Variants in DIAPH2 observed in about 807,000 individuals in gnomAD.
DIAPH2 encodes the protein protein diaphanous homolog 2.
DIAPH2 carries 35 observed loss-of-function variants against 92.7 expected under a neutral mutation model. The ratio of observed to expected loss-of-function variants is 0.38; its 90% CI spans 0.29 to 0.50. The LOEUF (loss-of-function observed/expected upper bound fraction) is 0.50, where lower values mean the gene tolerates loss of function less well. DIAPH2 is among the 20% of genes least tolerant of loss of function. The pLI, the probability that DIAPH2 is intolerant of heterozygous loss-of-function variation, is 0.94. For synonymous variants in DIAPH2, 301 were observed against 280.4 expected, an observed-to-expected ratio of 1.07 and a Z score of -0.73; for missense variants, 701 against 819.5, an observed-to-expected ratio of 0.86 and a Z score of 1.77.
rs745845055 is a variant in DIAPH2 at position 96,916,424 on chromosome X, T to C, written c.733-14T>C. On this transcript the variant is annotated splice_polypyrimidine_tract_variant and intron_variant, in intron 7 of 26. Coordinates refer to ENST00000324765, the MANE Select transcript of DIAPH2 (RefSeq NM_006729.5). The stretch of plus-strand genomic sequence containing the variant: ...TAGACATTCTGAATGAAGGTTTTTT[T>C]TTTTTTTTTTTAGTTTGGATTACAA... The C allele has an allele frequency of 2.8e-6, 3 of 1,086,598 alleles. No individual in the cohort carries two copies. Among genetic ancestry groups the C allele is most frequent in the Non-Finnish European group, 2.4e-6 (2 of 833,090 alleles). 89.5% of individuals were successfully genotyped at this position (1,086,598 alleles called of 1,213,427 possible).
intron 20 of DIAPH2, among the ~76,000 whole-genome samples, chrX:97,105,831 A>G (rs1360086341): frequency 8.9e-6 from 1 of 112,409 alleles, no homozygotes; most frequent in Admixed American, 9.4e-5. Context: ...AAATGTTGAA[A>G]TTGGCTTGGG....
intron 24 of DIAPH2, among the ~76,000 whole-genome samples, chrX:97,366,409 T>G (rs770850487): frequency 8.9e-6 from 1 of 112,184 alleles, no homozygotes; most frequent in Non-Finnish European, 1.9e-5. Flanking sequence ...CACTCTAAGT[T>G]GTGAAATCCC....
At chrX:97,320,717 A>C (rs957718794) in intron 23 of DIAPH2, among the ~76,000 whole-genome samples, 1 of 94,118 alleles carries the variant, frequency 1.1e-5, no homozygotes, top group African/African-American at 4.3e-5. Flanking sequence ...TCCGTCTCAA[A>C]AAAAAAAAAA....
chrX:97,344,597 A>G (rs1474109984), intron 23 of DIAPH2, among the ~76,000 whole-genome samples: 2 of 111,853 alleles, frequency 1.8e-5, no homozygotes, highest in African/African-American at 3.3e-5. Context: ...CCCTTTTACA[A>G]AGTAATCTCT....
At chrX:96,935,012 T>C (rs779634152) in intron 10 of DIAPH2, among the ~76,000 whole-genome samples, 30 of 111,582 alleles carry the variant, frequency 2.7e-4, no homozygotes, top group Non-Finnish European at 5.7e-4. Flanking sequence ...GGACTTTGAT[T>C]TCCTTTGAAG....
At chrX:97,549,356 A>G (rs2071203621) in intron 26 of DIAPH2, among the ~76,000 whole-genome samples, 1 of 111,897 alleles carries the variant, frequency 8.9e-6, no homozygotes, top group African/African-American at 3.2e-5. Flanking sequence ...TATTGAAATA[A>G]TTTTAGACCT....
Position 96,863,431 on chromosome X carries a change from T to C in DIAPH2, c.448-18148T>C, listed in dbSNP as rs748208145. Among the ~76,000 whole-genome samples, 3 of 110,627 alleles carry C rather than the reference T, an allele frequency of 2.7e-5. No individual in the cohort carries two copies. In the South Asian group the frequency reaches 1.1e-3, roughly 42 times the overall value. ...TCAGCTTTCTTTTTAAAATAATATT[T>C]AATGTATTTCAATTATAAAAGTAAC... On this transcript the variant is annotated intron_variant, in intron 4 of 26. Transcript: ENST00000324765.
rs752830170 is a variant in DIAPH2, at chrX:96,985,637, A to G, written c.2050+20430A>G. ...GTAAAAGGCCGAGGATTCTAAACCA[A>G]TATTACTGTCTTTCTTTTGATATGT... On this transcript the variant is annotated intron_variant, in intron 17 of 26. Coordinates refer to ENST00000324765, the MANE Select transcript of DIAPH2 (RefSeq NM_006729.5). 2.7e-5 allele frequency among the ~76,000 whole-genome samples: 3 copies of G among 110,991 alleles called. No individual in the cohort carries two copies. The Admixed American group carries it at 2.9e-4, about 11-fold the overall frequency.
At chrX:97,293,309 G>GGT in intron 23 of DIAPH2, among the ~76,000 whole-genome samples, 1 of 93,621 alleles carries the variant, frequency 1.1e-5, no homozygotes, top group African/African-American at 4.1e-5. Flanking sequence ...GGAGTGCAGT[G>GGT]GCACAATATC....
intron 4 of DIAPH2, among the ~76,000 whole-genome samples, chrX:96,807,944 CAAAAAAAAAAAAAAAAAAAAA>C (rs541681495): frequency 9.0e-4 from 13 of 14,484 alleles, no homozygotes; most frequent in African/African-American, 1.4e-3. Context: ...GTAGAAATAG[CAAAAAAAAAAAAAAAAAAAAA>C]AAAAAAAAAA....
At chrX:97,107,795 T>G (rs746121295) in intron 20 of DIAPH2, among the ~76,000 whole-genome samples, 1 of 112,244 alleles carries the variant, frequency 8.9e-6, no homozygotes. Context: ...GTTACAAATT[T>G]TTCTGTTAAT....
At chrX:97,244,288 G>A (rs1190496057) in intron 22 of DIAPH2, among the ~76,000 whole-genome samples, 1 of 111,996 alleles carries the variant, frequency 8.9e-6, no homozygotes, top group Non-Finnish European at 1.9e-5. Flanking sequence ...CTTGACATAT[G>A]TAGACTGCTG....
At chrX:96,789,244 A>C (rs1215964630) in intron 4 of DIAPH2, among the ~76,000 whole-genome samples, 1 of 112,047 alleles carries the variant, frequency 8.9e-6, no homozygotes, top group African/African-American at 3.2e-5. Flanking sequence ...CTGCCCAAGG[A>C]AGCCCATTAG....
intron 21 of DIAPH2, among the ~76,000 whole-genome samples, chrX:97,126,043 T>C: frequency 8.9e-6 from 1 of 112,144 alleles, no homozygotes; most frequent in South Asian, 3.7e-4. Context: ...GCTGGCTTCG[T>C]ATTCTGTGAA....
At chrX:96,743,279 A>G (rs2064130733) in intron 3 of DIAPH2, among the ~76,000 whole-genome samples, 1 of 111,104 alleles carries the variant, frequency 9.0e-6, no homozygotes, top group South Asian at 3.8e-4. Flanking sequence ...GATCTCTTTT[A>G]TGTTATGTGA....
At chrX:96,716,371 T>A (rs1489125485) in intron 1 of DIAPH2, among the ~76,000 whole-genome samples, 1 of 111,740 alleles carries the variant, frequency 8.9e-6, no homozygotes, top group Non-Finnish European at 1.9e-5. Context: ...GTATGTACAT[T>A]CTAGTGTATT....
At chrX:96,934,106 A>G (rs1267947937) in intron 10 of DIAPH2, among the ~76,000 whole-genome samples, 1 of 111,215 alleles carries the variant, frequency 9.0e-6, no homozygotes, top group Non-Finnish European at 1.9e-5. Flanking sequence ...AGATTTCACT[A>G]CTATTGTTTT....
intron 24 of DIAPH2, among the ~76,000 whole-genome samples, chrX:97,364,970 C>T (rs2069366026): frequency 9.0e-6 from 1 of 110,525 alleles, no homozygotes; most frequent in Non-Finnish European, 1.9e-5. Context: ...GCCATAACTA[C>T]CTCAAACTCA....
At chrX:97,594,383 A>G (rs779299524) in intron 26 of DIAPH2, among the ~76,000 whole-genome samples, 11 of 112,415 alleles carry the variant, frequency 9.8e-5, no homozygotes, top group Non-Finnish European at 1.9e-4. Context: ...ATCACAGAGA[A>G]AAGCATAAAT....
Sources: gnomAD v4.1 joint callset for allele counts (sites outside exome capture counted in the v4.1 genomes callset) on GRCh38, gnomAD v4.1.1 for gene constraint, MANE v1.5 for transcripts, NCBI Gene and HGNC (gene_info 2026-07-23, HGNC 2026-07-21) for gene names.